SULT6B1: variants seen among roughly 807,000 people sequenced by gnomAD.
The protein encoded by SULT6B1 is sulfotransferase family 6B member 1, also known as sulfotransferase 6B1.
SULT6B1 carries 44 observed loss-of-function variants against 37.2 expected under a neutral mutation model. The observed-to-expected ratio is 1.18, with a 90% CI of 0.93 to 1.52. SULT6B1 has a LOEUF of 1.52. Ranked by LOEUF, SULT6B1 falls within the 40% of genes most tolerant of loss-of-function variation. The pLI, the probability that SULT6B1 is intolerant of heterozygous loss-of-function variation, is 0.00. For synonymous variants in SULT6B1, 140 were observed against 126.0 expected (o/e 1.11, Z -0.74); for missense variants, 450 against 361.0 (o/e 1.25, Z -2.00).
intron 1 of SULT6B1, among the ~76,000 whole-genome samples, chr2:37,195,081 C>G (rs934083290): frequency 3.9e-5 from 6 of 152,038 alleles, no homozygotes; most frequent in Non-Finnish European, 8.8e-5. Context: ...TTCCGAATAG[C>G]TGGGATTACA....
intron 4 of SULT6B1, 142 bp downstream of exon 4, chr2:37,179,316 G>T: frequency 1.9e-6 from 2 of 1,031,492 alleles, no homozygotes; most frequent in Non-Finnish European, 2.8e-6. Flanking sequence ...AACTAATGGT[G>T]CTATGACCGT....
chr2:37,171,049 C>T (rs933185561), intron 6 of SULT6B1, among the ~76,000 whole-genome samples: 5 of 152,064 alleles, frequency 3.3e-5, no homozygotes, highest in Non-Finnish European at 7.4e-5. Flanking sequence ...CCATCCTGGC[C>T]AACATGGTAA....
At chr2:37,190,114 T>C (rs1229999783), upstream of SULT6B1, among the ~76,000 whole-genome samples, 2 of 152,242 alleles carry the variant, frequency 1.3e-5, no homozygotes, top group South Asian at 4.1e-4. Flanking sequence ...GTCTCAACAA[T>C]TACAATTGCA....
intron 1 of SULT6B1, among the ~76,000 whole-genome samples, chr2:37,195,522 C>A (rs1014199495): frequency 6.6e-6 from 1 of 152,134 alleles, no homozygotes; most frequent in African/African-American, 2.4e-5. Context: ...TTAGCTCCAG[C>A]TATCACCCCT....
At position 37,183,498 on chromosome 2, in the gene SULT6B1, G is replaced by C. The variant is rs375271401; in HGVS notation, c.329C>G (p.Pro110Arg). Residue 110 changes from proline to arginine, a missense_variant, in exon 3 of 7, where the codon CCA (proline) becomes CGA (arginine). Physicochemically the swap from Pro to Arg is moderately radical, Grantham distance 103. Coordinates refer to ENST00000535679, the MANE Select transcript of SULT6B1 (RefSeq NM_001367551.1). Reference protein sequence around the residue: ...SEKYQRMKGFPSPRILATHLH... With the variant: ...SEKYQRMKGFRSPRILATHLH... ...GTGAGTTGCCAAAATCCTTGGTGATGGAAAGCCTTTCATTCTCTTAAAAAT... is the reference window on the plus strand; with the variant it reads ...GTGAGTTGCCAAAATCCTTGGTGATCGAAAGCCTTTCATTCTCTTAAAAAT... The C allele has an allele frequency of 3.1e-6, 5 of 1,613,836 alleles. No homozygotes were observed. The highest frequency in any genetic ancestry group is 4.2e-6 in the Non-Finnish European group (5 of 1,179,754).
rs759603189 is a variant in SULT6B1, at chr2:37,188,570, G to C, written c.71C>G (p.Ser24Cys). 2 of 1,589,574 alleles carry C rather than the reference G, an allele frequency of 1.3e-6. No homozygotes were observed. Among genetic ancestry groups the C allele is most frequent in the Non-Finnish European group, 1.7e-6 (2 of 1,157,632 alleles). ...CCCCTGATAGGTGAAAAATAAATGAGAGAGTGCAGTTTCTTTTGATTTTTC... is the reference window on the plus strand; with the variant it reads ...CCCCTGATAGGTGAAAAATAAATGACAGAGTGCAGTTTCTTTTGATTTTTC... ...ALEKSKETALSHLFFTYQGIP... is the reference protein window; with the variant it reads ...ALEKSKETALCHLFFTYQGIP... Residue 24 changes from serine to cysteine, a missense_variant, in exon 1 of 7, where the codon TCT becomes TGT. Coordinates refer to ENST00000535679, the MANE Select transcript of SULT6B1 (RefSeq NM_001367551.1).
chr2:37,183,530 A>G lies in SULT6B1; in HGVS notation c.313-16T>C. 1 of 1,598,340 alleles carries G rather than the reference A, an allele frequency of 6.3e-7. No homozygotes were observed. The highest frequency in any genetic ancestry group is 8.6e-7 in the Non-Finnish European group (1 of 1,165,784). On this transcript the variant is annotated splice_polypyrimidine_tract_variant and intron_variant, in intron 2 of 6. Transcript: ENST00000535679. ...CTTTCATTCTCTTAAAAATATACACAAAAAGGTGAAAATGTGCACGTGTGT... is the reference window on the plus strand; with the variant it reads ...CTTTCATTCTCTTAAAAATATACACGAAAAGGTGAAAATGTGCACGTGTGT...
At chr2:37,179,298 A>T (rs1353219899) in intron 4 of SULT6B1, among the ~76,000 whole-genome samples, 160 bp downstream of exon 4, 1 of 152,244 alleles carries the variant, frequency 6.6e-6, no homozygotes, top group Non-Finnish European at 1.5e-5. Context: ...TAATTGTTGG[A>T]TGCACAGAAC....
Position 37,194,487 on chromosome 2 carries a change from G to A in SULT6B1, c.-22+2029C>T, listed in dbSNP as rs1676851486. The A allele has an allele frequency of 9.8e-6, 4 of 409,516 alleles. 1 individual carries two copies. The highest frequency in any genetic ancestry group is 1.9e-5 in the Non-Finnish European group (4 of 210,942). The allele number at this position is 409,516 out of a possible 1,614,324, so 25.4% of individuals were successfully genotyped here. A position where few individuals can be genotyped will look rare whatever the true frequency, so the allele number is the denominator to read the frequency against. ...TTACATCCTCTGGACAGCTGCACGC[G>A]GATACGGTACGGGACATTCCTTATT... On this transcript the variant is annotated intron_variant, in intron 1 of 7. Transcript: ENST00000407963.
intron 6 of SULT6B1, among the ~76,000 whole-genome samples, chr2:37,170,753 A>C (rs1052849396): frequency 2.2e-4 from 33 of 151,480 alleles, no homozygotes; most frequent in Middle Eastern, 3.4e-3. Context: ...AAAAAAAAAA[A>C]AAAAAAACTC....
intron 5 of SULT6B1, among the ~76,000 whole-genome samples, chr2:37,173,874 T>A (rs1435000935): frequency 6.6e-6 from 1 of 152,198 alleles, no homozygotes; most frequent in African/African-American, 2.4e-5. Flanking sequence ...CAGTTCATTC[T>A]CACACCTAGC....
At chr2:37,190,168 A>G (rs1676753307), upstream of SULT6B1, among the ~76,000 whole-genome samples, 1 of 152,238 alleles carries the variant, frequency 6.6e-6, no homozygotes, top group South Asian at 2.1e-4. Context: ...CCTATCTGGT[A>G]CATTTTCTGG....
intron 6 of SULT6B1, among the ~76,000 whole-genome samples, chr2:37,168,446 G>A (rs1447364456): frequency 6.6e-6 from 1 of 152,120 alleles, no homozygotes; most frequent in African/African-American, 2.4e-5. Flanking sequence ...GTGAGCTACT[G>A]CGCCCAGCCA....
chr2:37,191,304 T>TTTTTAG (rs1245852889), upstream of SULT6B1: 1 of 150,336 alleles, frequency 6.7e-6, no homozygotes, highest in Non-Finnish European at 1.5e-5. Flanking sequence ...AGGAGAGAGA[T>TTTTTAG]TTTTAGGACC....
rs199846213 is a variant in SULT6B1, at chr2:37,171,431, T to C, written c.781+3A>G. ...ACAATCCCAGAAACCAATGCGACTTTACCTTTGCGGAAAAGGAATGGGCCG... is the reference window on the plus strand; with the variant it reads ...ACAATCCCAGAAACCAATGCGACTTCACCTTTGCGGAAAAGGAATGGGCCG... On this transcript the variant is annotated splice_donor_region_variant and intron_variant, in intron 6 of 6. Transcript: ENST00000535679. 23 of 1,612,780 alleles carry C rather than the reference T, an allele frequency of 1.4e-5. No individual in the cohort carries two copies. The East Asian group carries it at 4.7e-4, about 33-fold the overall frequency.
At chr2:37,178,594 T>G (rs1266314557) in intron 4 of SULT6B1, among the ~76,000 whole-genome samples, 1 of 144,896 alleles carries the variant, frequency 6.9e-6, no homozygotes, top group African/African-American at 2.5e-5. Context: ...ACCTTACTCA[T>G]AGTTTGTTAT....
At chr2:37,171,324 C>T (rs191303547) in intron 6 of SULT6B1, 110 bp downstream of exon 6, 128 of 1,329,636 alleles carry the variant, frequency 9.6e-5, no homozygotes, top group Non-Finnish European at 1.2e-4. Context: ...CTTACTGAGG[C>T]GGAGAAAAAT....
rs190198031 is a variant in SULT6B1, at chr2:37,168,637, C to G, written c.782-572G>C. ...CAAACACCTAGAACTTAAAATTCCA[C>G]TTTTTGAGAATGATATTTTTCTCTG... is the stretch of plus-strand genomic sequence containing the variant. On this transcript the variant is annotated intron_variant, in intron 6 of 6. Transcript: ENST00000535679. Among the ~76,000 whole-genome samples, 8 of 152,298 alleles carry G rather than the reference C, an allele frequency of 5.3e-5. No homozygotes were observed. The East Asian group carries it at 1.2e-3, about 22-fold the overall frequency.
intron 1 of SULT6B1, chr2:37,194,614 G>T: frequency 2.9e-6 from 1 of 350,680 alleles, no homozygotes; most frequent in Non-Finnish European, 5.6e-6. Flanking sequence ...AGTGCCTGAG[G>T]GACATGCTTC....
Sources: allele counts gnomAD v4.1 joint callset (sites outside exome capture counted in the v4.1 genomes callset), GRCh38; gene constraint gnomAD v4.1.1; transcripts MANE v1.5; gene names NCBI Gene and HGNC (gene_info 2026-07-23, HGNC 2026-07-21).